Variants in JMJD1C observed in about 807,000 individuals in gnomAD.
JMJD1C encodes the protein jumonji domain containing 1C.
Under a neutral mutation model 245.3 loss-of-function variants are expected in JMJD1C, and 31 were observed. That is an observed-to-expected ratio of 0.13 (90% CI 0.09 to 0.17). JMJD1C has a LOEUF of 0.17. Ranked by LOEUF, JMJD1C falls within the 10% of genes least tolerant of loss-of-function variation. JMJD1C has a pLI of 1.00. For synonymous variants in JMJD1C, 1,057 were observed against 1,017.4 expected (o/e 1.04, Z -0.74); for missense variants, 2,691 against 3,000.2 (o/e 0.90, Z 2.41).
chr10:63,256,710 A>C (rs906388393), intron 3 of JMJD1C, among the ~76,000 whole-genome samples: 3 of 152,188 alleles, frequency 2.0e-5, no homozygotes, highest in Non-Finnish European at 2.9e-5. Flanking sequence ...CCAAGCCAAT[A>C]ATCTACCAGT....
intron 1 of JMJD1C, among the ~76,000 whole-genome samples, chr10:63,426,117 G>T (rs1224120179): frequency 1.3e-5 from 2 of 152,076 alleles, no homozygotes; most frequent in Non-Finnish European, 2.9e-5. Context: ...GCTCACGATT[G>T]TAATTCCAGC....
intron 1 of JMJD1C, among the ~76,000 whole-genome samples, chr10:63,451,966 G>A (rs1473641236): frequency 6.6e-6 from 1 of 152,094 alleles, no homozygotes; most frequent in Non-Finnish European, 1.5e-5. Flanking sequence ...ACTAAATCAA[G>A]AGCTGAAACT....
At chr10:63,403,326 C>T (rs1426132539) in intron 1 of JMJD1C, among the ~76,000 whole-genome samples, 3 of 152,146 alleles carry the variant, frequency 2.0e-5, no homozygotes, top group African/African-American at 4.8e-5. Flanking sequence ...ATAAAGAGTA[C>T]TTATAATATT....
intron 2 of JMJD1C, among the ~76,000 whole-genome samples, chr10:63,277,731 C>CTTTTGTTTTTTTTTTTTTTTT (rs1856944379): frequency 1.6e-5 from 1 of 64,262 alleles, no homozygotes; most frequent in Non-Finnish European, 2.6e-5. Context: ...ATTTGCATTT[C>CTTTTGTTTTTTTTTTTTTTTT]TTTTTTTTTT....
chr10:63,212,947 G>A (rs1177104272), intron 8 of JMJD1C, among the ~76,000 whole-genome samples: 1 of 150,790 alleles, frequency 6.6e-6, no homozygotes, highest in Non-Finnish European at 1.5e-5. Context: ...CAGCACTTTG[G>A]GAGGCCGAGA....
chr10:63,322,233 T>C (rs1222375729), intron 2 of JMJD1C, among the ~76,000 whole-genome samples: 2 of 152,186 alleles, frequency 1.3e-5, no homozygotes, highest in East Asian at 3.9e-4. Flanking sequence ...AAGAATATTA[T>C]TAAAATGAGT....
Position 63,248,539 on chromosome 10 carries a change from T to TAAATAAATAAAA in JMJD1C, c.447+16111_447+16112insTTTTATTTATTT, listed in dbSNP as rs1274127561. On this transcript the variant is annotated intron_variant, in intron 3 of 25. Transcript: ENST00000399262. The stretch of plus-strand genomic sequence containing the variant: ...TCATCTCAATAGATAGATAAATAAA[T>TAAATAAATAAAA]AAATAAATAAATAAATAAATAAATA... Among the ~76,000 whole-genome samples, 8 of 150,840 alleles carry TAAATAAATAAAA rather than the reference T, an allele frequency of 5.3e-5. No individual in the cohort carries two copies. The South Asian group carries it at 6.3e-4, about 12-fold the overall frequency.
chr10:63,352,933 C>T (rs1944487891), intron 2 of JMJD1C, among the ~76,000 whole-genome samples: 1 of 152,082 alleles, frequency 6.6e-6, no homozygotes, highest in Non-Finnish European at 1.5e-5. Context: ...TCCTAGAATG[C>T]TATTCGGAGT....
intron 23 of JMJD1C, chr10:63,176,798 ATTTT>A (rs10577726): frequency 5.9e-3 from 804 of 135,538 alleles, no homozygotes; most frequent in Middle Eastern, 0.011. Flanking sequence ...GGAACAGGGT[ATTTT>A]TTTTTTTTTT....
chr10:63,177,530 A>G (rs1842969646), intron 23 of JMJD1C, 187 bp downstream of exon 23: 12 of 606,070 alleles, frequency 2.0e-5, no homozygotes, highest in Non-Finnish European at 3.1e-5. Flanking sequence ...AAAACCCTCA[A>G]AATGTTAACA....
chr10:63,193,080 A>G lies in JMJD1C; in HGVS notation c.5934T>C (p.Thr1978=). The G allele has an allele frequency of 6.2e-7, 1 of 1,614,136 alleles. No homozygotes were observed. The highest frequency in any genetic ancestry group is 1.1e-5 in the South Asian group (1 of 91,086). ...LCMPESQQQN[T]PPKSEKNGGS... ...CACCATTTTTCTCAGACTTCGGAGG[A>G]GTATTTTGCTGCTGAGACTCAGGCA... Residue 1978 remains threonine, a synonymous_variant, in exon 16 of 26, where the codon ACT becomes ACC. Transcript: ENST00000399262.
intron 11 of JMJD1C, among the ~76,000 whole-genome samples, 181 bp downstream of exon 11, chr10:63,200,295 A>G (rs1845876461): frequency 6.6e-6 from 1 of 152,218 alleles, no homozygotes; most frequent in South Asian, 2.1e-4. Context: ...ATTTAGTCTT[A>G]TAGTTAGAAA....
chr10:63,511,771 G>A (rs1464043142), intron 1 of JMJD1C, among the ~76,000 whole-genome samples: 3 of 152,100 alleles, frequency 2.0e-5, no homozygotes, highest in South Asian at 4.2e-4. Flanking sequence ...CATATATGTA[G>A]CACCAACGTT....
intron 1 of JMJD1C, among the ~76,000 whole-genome samples, chr10:63,397,974 T>C (rs1447308010): frequency 6.6e-6 from 1 of 152,250 alleles, no homozygotes; most frequent in Non-Finnish European, 1.5e-5. Flanking sequence ...AATAACCTAA[T>C]TGTTCTTTTT....
intron 1 of JMJD1C, among the ~76,000 whole-genome samples, chr10:63,460,299 T>C (rs1170861553): frequency 6.6e-6 from 1 of 152,172 alleles, no homozygotes; most frequent in Non-Finnish European, 1.5e-5. Context: ...GGAGGCTCAC[T>C]TGAGGCCAGG....
intron 22 of JMJD1C, among the ~76,000 whole-genome samples, chr10:63,178,319 A>G (rs1843059016): frequency 6.6e-6 from 1 of 152,230 alleles, no homozygotes; most frequent in Non-Finnish European, 1.5e-5. Context: ...ATAAGTGGAT[A>G]CAAAGCAATA....
chr10:63,243,004 G>A (rs1212475887), intron 3 of JMJD1C, among the ~76,000 whole-genome samples: 2 of 150,630 alleles, frequency 1.3e-5, no homozygotes, highest in African/African-American at 4.9e-5. Flanking sequence ...AATTGGGAAT[G>A]GAGTCCAAGA....
upstream of JMJD1C, among the ~76,000 whole-genome samples, chr10:63,468,013 G>A (rs1008408589): frequency 1.3e-5 from 2 of 152,152 alleles, no homozygotes; most frequent in African/African-American, 4.8e-5. Context: ...AAAACTGCCA[G>A]CTGTTTTCAA....
At chr10:63,452,845 T>C (rs1480107034) in intron 1 of JMJD1C, among the ~76,000 whole-genome samples, 21 of 152,186 alleles carry the variant, frequency 1.4e-4, no homozygotes, top group Admixed American at 1.4e-3. Flanking sequence ...TGATTCCACT[T>C]TTATGAAGGA....
Sources: allele counts gnomAD v4.1 joint callset (sites outside exome capture counted in the v4.1 genomes callset), GRCh38; gene constraint gnomAD v4.1.1; transcripts MANE v1.5; gene names NCBI Gene and HGNC (gene_info 2026-07-23, HGNC 2026-07-21).